COL12A1: variants seen among roughly 807,000 people sequenced by gnomAD.
COL12A1 encodes collagen alpha-1(XII) chain.
COL12A1 carries 114 observed loss-of-function variants against 349.7 expected under a neutral mutation model. That is an observed-to-expected ratio of 0.33 (90% CI 0.28 to 0.38). COL12A1 has a LOEUF of 0.38. Among genes scored for constraint, COL12A1 ranks in the 10% least tolerant of loss-of-function variants. The pLI is 1.00. For missense variants in COL12A1, 3,284 were observed against 3,756.9 expected (o/e 0.87, Z 3.29); for synonymous variants, 1,369 against 1,329.0 (o/e 1.03, Z -0.66).
intron 53 of COL12A1, 77 bp downstream of exon 53, chr6:75,106,342 C>A: frequency 1.6e-6 from 2 of 1,252,546 alleles, no homozygotes; most frequent in Non-Finnish European, 1.2e-6. Context: ...TGCAGTGCTA[C>A]TTCCTCTCCC....
intron 51 of COL12A1, among the ~76,000 whole-genome samples, chr6:75,110,551 A>T (rs1009048170): frequency 1.3e-5 from 2 of 151,958 alleles, no homozygotes; most frequent in African/African-American, 2.4e-5. Flanking sequence ...AGTAGAAAAA[A>T]ATAGGGACCC....
At chr6:75,144,603 G>A (rs777819588) in intron 25 of COL12A1, among the ~76,000 whole-genome samples, 4 of 152,108 alleles carry the variant, frequency 2.6e-5, no homozygotes, top group Non-Finnish European at 5.9e-5. Flanking sequence ...CAGTAAGTGG[G>A]TAAATGCAAT....
chr6:75,190,576 C>A (rs549072276), intron 5 of COL12A1, among the ~76,000 whole-genome samples: 1 of 151,824 alleles, frequency 6.6e-6, no homozygotes, highest in East Asian at 1.9e-4. Flanking sequence ...CAATGATCAG[C>A]TTTTGTAACT....
rs1462715713 is a variant in COL12A1 at position 75,152,106 on chromosome 6, A to G, written c.3835+25T>C. 3.1e-6 allele frequency: 5 copies of G among 1,613,692 alleles called. No homozygotes were observed. In the South Asian group the frequency reaches 3.3e-5, roughly 11 times the overall value. ...ACCTTAACCAGAAGCATGAGCTGAA[A>G]GACTGTCAGACAGTCCTTACTCACC... is the stretch of plus-strand genomic sequence containing the variant. On this transcript the variant is annotated intron_variant, in intron 19 of 65. Coordinates refer to ENST00000322507, the MANE Select transcript of COL12A1 (RefSeq NM_004370.6).
chr6:75,126,655 T>A (rs904974888), intron 38 of COL12A1, among the ~76,000 whole-genome samples, 185 bp from the exon 39 acceptor site: 1 of 152,086 alleles, frequency 6.6e-6, no homozygotes, highest in African/African-American at 2.4e-5. Context: ...TTTCCAAATT[T>A]AAACAGCAAC....
intron 2 of COL12A1, among the ~76,000 whole-genome samples, chr6:75,199,341 G>T (rs879322844): frequency 2.4e-4 from 37 of 152,110 alleles, no homozygotes; most frequent in Admixed American, 9.2e-4. Context: ...CCTCTAGTTT[G>T]AAATTTCTGT....
In COL12A1 at chr6:75,145,365, C is replaced by T. The variant is rs76453279; in HGVS notation, c.4651G>A (p.Asp1551Asn). The T allele has an allele frequency of 6.8e-6, 11 of 1,613,042 alleles. No individual in the cohort carries two copies. Among genetic ancestry groups the T allele is most frequent in the South Asian group, 3.3e-5 (3 of 90,910 alleles). ...ACAGTGACAGGTTCACTAGTGAGGT[C>T]GTGCAGGACAGCCTGGACTGTGACT... The part of the protein sequence containing the change: ...YAVTVQAVLH[D>N]LTSEPVTVRE... Residue 1551 changes from aspartate (D) to asparagine (N), a missense_variant, in exon 25 of 66, where the codon GAC becomes AAC. This residue lies in a region of COL12A1 where 2,601 missense variants were observed against 2,824.8 expected (regional missense o/e 0.92). Transcript: ENST00000322507.
At chr6:75,097,204 G>A in intron 59 of COL12A1, 49 bp downstream of exon 59, 2 of 1,530,816 alleles carry the variant, frequency 1.3e-6, no homozygotes, top group Non-Finnish European at 1.8e-6. Context: ...AAAATGAGGT[G>A]AGAGGGTGGG....
intron 1 of COL12A1, among the ~76,000 whole-genome samples, chr6:75,205,534 C>G (rs1770736398): frequency 6.6e-6 from 1 of 152,060 alleles, no homozygotes. Context: ...GGATGCTTTG[C>G]GTGCACAAAA....
intron 24 of COL12A1, 134 bp downstream of exon 24, chr6:75,145,968 C>A: frequency 9.7e-7 from 1 of 1,034,086 alleles, no homozygotes; most frequent in Non-Finnish European, 1.3e-6. Flanking sequence ...TTGCAGACCA[C>A]AAACCTACTT....
rs1369136285 is a variant in COL12A1 at position 75,192,357 on chromosome 6, T to A, written c.191-2A>T. On this transcript the variant is annotated splice_acceptor_variant, in intron 3 of 65. Transcript: ENST00000322507. LOFTEE classifies it high-confidence loss of function. ...GGGTAAATTCTTTAGTAGGCCCATC[T>A]GGAAATATAAAAAGGAAAAATATGA... The A allele has an allele frequency of 6.2e-7, 1 of 1,609,876 alleles. No homozygotes were observed. Among genetic ancestry groups the A allele is most frequent in the Non-Finnish European group, 8.5e-7 (1 of 1,177,798 alleles).
At position 75,152,300 on chromosome 6, in the gene COL12A1, T is replaced by A. The variant is rs7769438; in HGVS notation, c.3715+33A>T. ...TGCATGTGAAAGAGAAAGATAAAAA[T>A]GTCTAAATGGCTCCAATGTTGTCAG... is the stretch of plus-strand genomic sequence containing the variant. On this transcript the variant is annotated intron_variant, in intron 18 of 65. Transcript: ENST00000322507. 4.3e-3 allele frequency: 6,901 copies of A among 1,613,390 alleles called. 227 individuals carry two copies. In the African/African-American group the frequency reaches 0.079, roughly 19 times the overall value.
chr6:75,165,631 C>G lies in COL12A1; in HGVS notation c.2859G>C (p.Leu953=). The change falls in exon 14 of 66, where the codon CTG becomes CTC. Residue 953 remains leucine, a synonymous_variant. Transcript: ENST00000322507. ...TCATCGTATGAATTGCATCTTCAGGCAGATTTTTCTCTCCAGTGTCAACAT... is the reference window on the plus strand; with the variant it reads ...TCATCGTATGAATTGCATCTTCAGGGAGATTTTTCTCTCCAGTGTCAACAT... ...YDDVDTGEKN[L]PEDAIHTMIE... The G allele has an allele frequency of 6.2e-7, 1 of 1,613,922 alleles. No homozygotes were observed. Among genetic ancestry groups the G allele is most frequent in the Non-Finnish European group, 8.5e-7 (1 of 1,179,904 alleles).
intron 58 of COL12A1, among the ~76,000 whole-genome samples, chr6:75,100,647 C>T (rs892112114): frequency 2.6e-5 from 4 of 152,170 alleles, no homozygotes; most frequent in Non-Finnish European, 4.4e-5. Context: ...AGTTCACTGG[C>T]ATATCATCTA....
intron 43 of COL12A1, among the ~76,000 whole-genome samples, chr6:75,121,645 A>G (rs893009352): frequency 6.6e-6 from 1 of 152,146 alleles, no homozygotes; most frequent in Non-Finnish European, 1.5e-5. Flanking sequence ...TAATAAGATG[A>G]CTCACATGCA....
rs368180489 is a variant in COL12A1 at position 75,142,106 on chromosome 6, G to A, written c.4883C>T (p.Thr1628Ile). The A allele has an allele frequency of 3.7e-6, 6 of 1,614,008 alleles. No individual in the cohort carries two copies. Among genetic ancestry groups the A allele is most frequent in the Non-Finnish European group, 5.1e-6 (6 of 1,179,994 alleles). ...TGCAGAAACGCTGACTGTGTACAAG[G>A]TCTGTGAGAAGAGGTCTTTGAGGGA... ...STSLKDLFSQ[T>I]LYTVSVSAVH... The change falls in exon 27 of 66, where the codon ACC (threonine) becomes ATC (isoleucine). Residue 1628 changes from threonine (T) to isoleucine (I), a missense_variant. Coordinates refer to ENST00000322507, the MANE Select transcript of COL12A1 (RefSeq NM_004370.6).
At chr6:75,095,288 T>A in intron 59 of COL12A1, 109 bp from the exon 60 acceptor site, 1 of 798,102 alleles carries the variant, frequency 1.3e-6, no homozygotes, top group Non-Finnish European at 2.0e-6. Flanking sequence ...AACTCATAAT[T>A]ACACATTCAG....
intron 58 of COL12A1, among the ~76,000 whole-genome samples, chr6:75,098,903 TG>T (rs1162617634): frequency 1.3e-5 from 2 of 152,164 alleles, no homozygotes; most frequent in Non-Finnish European, 2.9e-5. Context: ...CAGTGCCAAA[TG>T]ACCTCTGCCT....
At position 75,183,570 on chromosome 6, in the gene COL12A1, A is replaced by T. The variant is rs750640474; in HGVS notation, c.1371T>A (p.Val457=). The T allele has an allele frequency of 6.2e-7, 1 of 1,614,166 alleles. No homozygotes were observed. The highest frequency in any genetic ancestry group is 1.7e-4 in the Middle Eastern group (1 of 6,060). ...GSYSIGIANF[V]KVRAFLEVLV... ...GAACTTCCAAAAAGGCTCTAACTTT[A>T]ACAAAGTTTGCAATCCCAATGCTAT... is the stretch of plus-strand genomic sequence containing the variant. The change falls in exon 10 of 66, where the codon GTT becomes GTA. Residue 457 remains valine (V), a synonymous_variant. Transcript: ENST00000322507.
Sources: allele counts gnomAD v4.1 joint callset (sites outside exome capture counted in the v4.1 genomes callset), GRCh38; gene constraint gnomAD v4.1.1; regional missense constraint gnomAD v4.1.1; transcripts MANE v1.5; gene names NCBI Gene and HGNC (gene_info 2026-07-23, HGNC 2026-07-21).